CEP170B: variants seen among roughly 807,000 people sequenced by gnomAD.
CEP170B encodes the protein centrosomal protein 170B, also known as centrosomal protein of 170 kDa protein B.
In CEP170B, 55 loss-of-function variants were observed where a neutral mutation model predicts 120.6. That is an observed-to-expected ratio of 0.46 (90% confidence interval 0.37 to 0.57). The LOEUF (loss-of-function observed/expected upper bound fraction) is 0.57. Ranked by LOEUF, CEP170B falls within the 20% of genes least tolerant of loss-of-function variation. The pLI is 0.00. For missense variants in CEP170B, 2,212 were observed against 2,253.3 expected (o/e 0.98, Z 0.37); for synonymous variants, 1,033 against 954.5 (o/e 1.08, Z -1.52).
At chr14:104,892,895 G>A in intron 13 of CEP170B, 81 bp from the exon 14 acceptor site, 1 of 1,463,470 alleles carries the variant, frequency 6.8e-7, no homozygotes, top group Non-Finnish European at 9.3e-7. Flanking sequence ...CTGGGAGCTG[G>A]GAGGGGCTTT....
At position 104,894,963 on chromosome 14, in the gene CEP170B, C is replaced by T. The variant is rs375727190; in HGVS notation, c.*5C>T. 2.7e-4 allele frequency: 423 copies of T among 1,556,912 alleles called. 1 individual carries two copies. Among genetic ancestry groups the T allele is most frequent in the Admixed American group, 4.1e-4 (22 of 53,220 alleles). On this transcript the variant is annotated 3_prime_UTR_variant, in exon 19 of 19. Coordinates refer to ENST00000414716, the MANE Select transcript of CEP170B (RefSeq NM_001112726.3). Reference sequence around the variant, plus strand: ...GCCGAGAGGTTCCTGATCTAGGCCCCAGACCTGGCCAGGCCAGCCTCCCTG... The same window carrying T: ...GCCGAGAGGTTCCTGATCTAGGCCCTAGACCTGGCCAGGCCAGCCTCCCTG...
intron 5 of CEP170B, among the ~76,000 whole-genome samples, chr14:104,879,597 C>T (rs1416665934): frequency 6.6e-6 from 1 of 152,148 alleles, no homozygotes; most frequent in African/African-American, 2.4e-5. Flanking sequence ...CTCGGAGCCC[C>T]TCAGGAGGTA....
chr14:104,885,225 GC>G (rs1896409015), intron 9 of CEP170B, 143 bp from the exon 10 acceptor site: 3 of 874,384 alleles, frequency 3.4e-6, no homozygotes, highest in Non-Finnish European at 5.1e-6. Context: ...CCTGCTGACA[GC>G]CAGGCTGCAT....
intron 2 of CEP170B, among the ~76,000 whole-genome samples, chr14:104,875,500 G>A (rs1385870210): frequency 6.6e-6 from 1 of 152,172 alleles, no homozygotes; most frequent in Non-Finnish European, 1.5e-5. Context: ...AGGGTGCTGT[G>A]TGGAGTGGAG....
Position 104,886,280 on chromosome 14 carries a change from G to A in CEP170B, c.2041G>A (p.Gly681Ser). Residue 681 changes from glycine (G) to serine (S), a missense_variant, in exon 12 of 19, where the codon GGC (glycine) becomes AGC (serine). Around this residue, in one of 2 missense-constraint regions of CEP170B, gnomAD observed 2,166 missense variants for 2,166.7 expected, o/e 1.00. Transcript: ENST00000414716. ...GCTGCCTTTGTGCTCCACAGAGGAT[G>A]GCCTGGGACGTAGAGGCGGGGAGCC... ...SYSDPGLTEDGLGRRGGEPEG... is the reference protein window; with the variant it reads ...SYSDPGLTEDSLGRRGGEPEG... The A allele has an allele frequency of 6.5e-7, 1 of 1,534,914 alleles. No individual in the cohort carries two copies. The highest frequency in any genetic ancestry group is 1.2e-5 in the South Asian group (1 of 80,766).
intron 6 of CEP170B, among the ~76,000 whole-genome samples, chr14:104,882,129 C>T (rs1004738072): frequency 1.3e-5 from 2 of 152,146 alleles, no homozygotes; most frequent in African/African-American, 2.4e-5. Context: ...GCTGGGCTGC[C>T]GGCTTCTCAG....
chr14:104,893,589 C>T lies in CEP170B; in HGVS notation c.4105C>T (p.Arg1369Trp), dbSNP rs754581900. The T allele has an allele frequency of 1.7e-5, 27 of 1,603,260 alleles. No individual in the cohort carries two copies. Among genetic ancestry groups the T allele is most frequent in the East Asian group, 2.3e-5 (1 of 44,372 alleles). The change falls in exon 15 of 19, where the codon CGG (arginine) becomes TGG (tryptophan). Residue 1369 changes from arginine to tryptophan, a missense_variant. This residue lies in a region of CEP170B where 2,166 missense variants were observed against 2,166.7 expected (regional missense o/e 1.00). Transcript: ENST00000414716. ...GGTGCCGCCCGGCTCGCTGAACTCTCGGGACTTTGACCAGAACATGAACGA... is the reference window on the plus strand; with the variant it reads ...GGTGCCGCCCGGCTCGCTGAACTCTTGGGACTTTGACCAGAACATGAACGA... ...QKVPPGSLNSRDFDQNMNDSC... is the reference protein window; with the variant it reads ...QKVPPGSLNSWDFDQNMNDSC...
intron 5 of CEP170B, among the ~76,000 whole-genome samples, chr14:104,879,471 C>A (rs530559047): frequency 1.7e-3 from 252 of 152,274 alleles, no homozygotes; most frequent in African/African-American, 6.0e-3. Context: ...GGGCTGAAAT[C>A]TGAAGGTCTT....
chr14:104,872,895 T>C (rs926960602), intron 2 of CEP170B, among the ~76,000 whole-genome samples: 2 of 152,186 alleles, frequency 1.3e-5, no homozygotes, highest in African/African-American at 2.4e-5. Context: ...TTAGACACTT[T>C]CCCCAAAATC....
chr14:104,883,754 G>A, intron 8 of CEP170B, 77 bp from the exon 9 acceptor site: 5 of 1,362,058 alleles, frequency 3.7e-6, no homozygotes, highest in Non-Finnish European at 4.9e-6. Context: ...TAAGGCATGG[G>A]GTGATGAGGC....
At position 104,887,867 on chromosome 14, in the gene CEP170B, A is replaced by T; in HGVS notation, c.3628A>T (p.Thr1210Ser). Residue 1210 changes from threonine (T) to serine (S), a missense_variant, in exon 12 of 19, where the codon ACC (threonine) becomes TCC (serine). Physicochemically the swap from Thr to Ser is moderately conservative, Grantham distance 58. Coordinates refer to ENST00000414716, the MANE Select transcript of CEP170B (RefSeq NM_001112726.3). ...VELCCASRKP[T>S]MAEARAVSRK... The stretch of plus-strand genomic sequence containing the variant: ...GTTGTGCTGTGCCAGCCGCAAGCCC[A>T]CCATGGCCGAAGCACGGGCTGTCTC... 1 of 1,574,446 alleles carries T rather than the reference A, an allele frequency of 6.4e-7. No homozygotes were observed. The highest frequency in any genetic ancestry group is 8.6e-7 in the Non-Finnish European group (1 of 1,164,142).
chr14:104,888,320 T>C (rs1411215392), intron 12 of CEP170B, among the ~76,000 whole-genome samples: 1 of 152,204 alleles, frequency 6.6e-6, no homozygotes, highest in African/African-American at 2.4e-5. Context: ...CTGGTGCCTT[T>C]GGGTCCCCAC....
intron 16 of CEP170B, 93 bp from the exon 17 acceptor site, chr14:104,894,192 T>C: frequency 2.9e-6 from 3 of 1,044,596 alleles, no homozygotes; most frequent in Non-Finnish European, 4.5e-6. Flanking sequence ...GGGATGAACT[T>C]CACCATGGCA....
rs1333711273 is a variant in CEP170B, at chr14:104,893,595, T to G, written c.4111T>G (p.Phe1371Val). The change falls in exon 15 of 19, where the codon TTT becomes GTT. Residue 1371 changes from phenylalanine (F) to valine (V), a missense_variant. Transcript: ENST00000414716. ...VPPGSLNSRD[F>V]DQNMNDSCED... ...GCCCGGCTCGCTGAACTCTCGGGAC[T>G]TTGACCAGAACATGAACGACAGCTG... The G allele has an allele frequency of 1.2e-6, 2 of 1,603,352 alleles. No individual in the cohort carries two copies. The highest frequency in any genetic ancestry group is 2.2e-5 in the South Asian group (2 of 88,950).
intron 5 of CEP170B, among the ~76,000 whole-genome samples, chr14:104,879,053 C>T (rs546523995): frequency 2.0e-5 from 3 of 152,178 alleles, no homozygotes; most frequent in Non-Finnish European, 4.4e-5. Context: ...AGCCCCCCAG[C>T]ATCTTTTTGG....
At position 104,876,285 on chromosome 14, in the gene CEP170B, C is replaced by T. The variant is rs759320192; in HGVS notation, c.135C>T (p.Val45=). ...QSRSVDKQHA[V]INYDQDRDEH... is the part of the protein sequence containing the mutation. Reference sequence around the variant, plus strand: ...GCAGCGTGGACAAGCAGCATGCCGTCATCAACTACGACCAGGACAGGGACG... The same window carrying T: ...GCAGCGTGGACAAGCAGCATGCCGTTATCAACTACGACCAGGACAGGGACG... Residue 45 remains valine, a synonymous_variant, in exon 3 of 19, where the codon GTC becomes GTT. Coordinates refer to ENST00000414716, the MANE Select transcript of CEP170B (RefSeq NM_001112726.3). 28 of 1,550,924 alleles carry T rather than the reference C, an allele frequency of 1.8e-5. No individual in the cohort carries two copies. The African/African-American group carries it at 3.6e-4, about 20-fold the overall frequency.
intron 2 of CEP170B, among the ~76,000 whole-genome samples, chr14:104,875,626 G>T (rs142894522): frequency 1.3e-5 from 2 of 152,132 alleles, no homozygotes; most frequent in Admixed American, 1.3e-4. Flanking sequence ...AGCCGTGCTC[G>T]CAGCGCTTAA....
intron 6 of CEP170B, among the ~76,000 whole-genome samples, chr14:104,881,728 A>G (rs954563666): frequency 6.6e-6 from 1 of 152,194 alleles, no homozygotes; most frequent in Non-Finnish European, 1.5e-5. Flanking sequence ...CAGGGCCGGC[A>G]GCAGATGGGG....
At position 104,886,340 on chromosome 14, in the gene CEP170B, C is replaced by G. The variant is rs780348020; in HGVS notation, c.2101C>G (p.Leu701Val). 6.4e-7 allele frequency: 1 copy of G among 1,565,106 alleles called. No homozygotes were observed. Among genetic ancestry groups the G allele is most frequent in the Non-Finnish European group, 8.6e-7 (1 of 1,158,604 alleles). ...GSLPVRMRRR[L>V]PQLPSERADS... ...CCTGCCTGTGCGCATGCGGCGACGGCTCCCTCAGCTGCCCAGTGAGAGGGC... is the reference window on the plus strand; with the variant it reads ...CCTGCCTGTGCGCATGCGGCGACGGGTCCCTCAGCTGCCCAGTGAGAGGGC... The change falls in exon 12 of 19, where the codon CTC (leucine) becomes GTC (valine). Residue 701 changes from leucine (L) to valine (V), a missense_variant. Transcript: ENST00000414716.
Sources: gnomAD v4.1 joint callset for allele counts (sites outside exome capture counted in the v4.1 genomes callset) on GRCh38, gnomAD v4.1.1 for gene constraint, gnomAD v4.1.1 regional missense constraint, MANE v1.5 for transcripts, NCBI Gene and HGNC (gene_info 2026-07-23, HGNC 2026-07-21) for gene names.